Variants in CNTN4 observed in about 807,000 individuals in gnomAD.
CNTN4 encodes contactin-4.
CNTN4 carries 77 observed loss-of-function variants against 122.5 expected under a neutral mutation model. The observed-to-expected ratio is 0.63, with a 90% CI of 0.52 to 0.76. The LOEUF is 0.76. CNTN4 is among the 30% of genes least tolerant of loss of function. CNTN4 has a pLI of 0.00. For missense variants in CNTN4, 1,256 were observed against 1,259.1 expected, an observed-to-expected ratio of 1.00 and a Z score of 0.04; for synonymous variants, 512 against 447.0, an observed-to-expected ratio of 1.15 and a Z score of -1.83.
At chr3:2,655,561 T>G (rs2083550914) in intron 4 of CNTN4, among the ~76,000 whole-genome samples, 1 of 152,220 alleles carries the variant, frequency 6.6e-6, no homozygotes. Flanking sequence ...TATTCTAGCA[T>G]GCAGGGCAGT....
chr3:2,886,769 C>T (rs2093983972), intron 9 of CNTN4, among the ~76,000 whole-genome samples: 1 of 152,088 alleles, frequency 6.6e-6, no homozygotes, highest in South Asian at 2.1e-4. Context: ...CCGCCTCGGC[C>T]TCCCAAAGTG....
intron 2 of CNTN4, among the ~76,000 whole-genome samples, chr3:2,228,196 ATT>A (rs2039357601): frequency 6.6e-6 from 1 of 152,132 alleles, no homozygotes; most frequent in South Asian, 2.1e-4. Flanking sequence ...TAGCCAAGGA[ATT>A]GGCAATCCAT....
At chr3:2,169,676 C>T (rs542951905) in intron 2 of CNTN4, among the ~76,000 whole-genome samples, 25 of 152,106 alleles carry the variant, frequency 1.6e-4, no homozygotes, top group African/African-American at 5.3e-4. Flanking sequence ...GGATTACAGG[C>T]GTGAGCCACC....
At chr3:2,751,584 G>T (rs2090094159) in intron 6 of CNTN4, among the ~76,000 whole-genome samples, 1 of 152,076 alleles carries the variant, frequency 6.6e-6, no homozygotes, top group Non-Finnish European at 1.5e-5. Flanking sequence ...TAAAGAGGAG[G>T]GGATTTCAGT....
intron 2 of CNTN4, among the ~76,000 whole-genome samples, chr3:2,252,424 A>G (rs1195236422): frequency 1.3e-5 from 2 of 152,010 alleles, no homozygotes; most frequent in African/African-American, 4.8e-5. Flanking sequence ...ATCTGAATTT[A>G]CACATTGATA....
At chr3:2,896,126 C>T (rs1366426357) in intron 10 of CNTN4, among the ~76,000 whole-genome samples, 1 of 152,106 alleles carries the variant, frequency 6.6e-6, no homozygotes, top group African/African-American at 2.4e-5. Context: ...AAGGAGAAAA[C>T]AGGCTTCCAA....
intron 3 of CNTN4, among the ~76,000 whole-genome samples, chr3:2,546,804 C>A (rs537536747): frequency 1.3e-5 from 2 of 152,092 alleles, no homozygotes; most frequent in African/African-American, 4.8e-5. Context: ...GCTATCCTGG[C>A]CTTTAAGATA....
At chr3:2,329,796 G>A (rs1253428146) in intron 2 of CNTN4, among the ~76,000 whole-genome samples, 1 of 151,942 alleles carries the variant, frequency 6.6e-6, no homozygotes, top group Non-Finnish European at 1.5e-5. Flanking sequence ...CACTTAATAA[G>A]CATTAATTTA....
chr3:2,626,268 C>T (rs1352724146), intron 4 of CNTN4, among the ~76,000 whole-genome samples: 3 of 151,860 alleles, frequency 2.0e-5, no homozygotes, highest in Admixed American at 6.6e-5. Flanking sequence ...CCGAGGTGGG[C>T]GGATCATGAG....
intron 4 of CNTN4, among the ~76,000 whole-genome samples, chr3:2,584,486 C>G (rs979361185): frequency 5.3e-5 from 8 of 151,884 alleles, no homozygotes; most frequent in African/African-American, 1.5e-4. Context: ...GGCGGATCAC[C>G]TGAGGCCAGG....
chr3:3,000,695 T>C (rs1420498118), intron 14 of CNTN4, among the ~76,000 whole-genome samples: 1 of 152,142 alleles, frequency 6.6e-6, no homozygotes, highest in Non-Finnish European at 1.5e-5. Context: ...GTTCTCAGGG[T>C]CTGCCCTAAG....
intron 2 of CNTN4, among the ~76,000 whole-genome samples, chr3:2,336,389 T>A (rs532805160): frequency 6.6e-6 from 1 of 152,172 alleles, no homozygotes; most frequent in South Asian, 2.1e-4. Context: ...GAACAGTTGA[T>A]TATGATTCAT....
chr3:2,722,267 G>C (rs1296182727), intron 4 of CNTN4, among the ~76,000 whole-genome samples: 3 of 152,166 alleles, frequency 2.0e-5, no homozygotes, highest in Admixed American at 6.5e-5. Flanking sequence ...TAGAATGTGA[G>C]CTCCTTGGAC....
At chr3:2,950,732 A>G (rs944047513) in intron 13 of CNTN4, among the ~76,000 whole-genome samples, 1 of 152,214 alleles carries the variant, frequency 6.6e-6, no homozygotes, top group Non-Finnish European at 1.5e-5. Context: ...GCATTCTTTG[A>G]TGAATTGGTT....
chr3:2,443,849 T>C (rs985165016), intron 3 of CNTN4, among the ~76,000 whole-genome samples: 5 of 152,186 alleles, frequency 3.3e-5, no homozygotes, highest in African/African-American at 1.2e-4. Context: ...GTTTTAACTT[T>C]ACTATCCAGC....
chr3:2,287,386 G>C (rs1486798340), intron 2 of CNTN4, among the ~76,000 whole-genome samples: 1 of 151,942 alleles, frequency 6.6e-6, no homozygotes, highest in East Asian at 1.9e-4. Context: ...CAGAATGCTT[G>C]AGCTCAGAAG....
chr3:2,100,495 C>T (rs1359872053), intron 1 of CNTN4, 63 bp from the exon 2 acceptor site: 1 of 152,170 alleles, frequency 6.6e-6, no homozygotes, highest in African/African-American at 2.4e-5. Flanking sequence ...CAGGTCCATA[C>T]AATAGCGTTC....
chr3:2,357,452 C>A (rs946172877), intron 3 of CNTN4, among the ~76,000 whole-genome samples: 1 of 152,198 alleles, frequency 6.6e-6, no homozygotes, highest in Non-Finnish European at 1.5e-5. Flanking sequence ...CTGAAAATCA[C>A]TGCATACGTA....
intron 4 of CNTN4, among the ~76,000 whole-genome samples, chr3:2,575,876 C>T (rs1277156105): frequency 7.5e-6 from 1 of 133,918 alleles, no homozygotes; most frequent in Non-Finnish European, 1.5e-5. Flanking sequence ...GGCTGGAGTG[C>T]AGGGGTGTGA....
Sources: gnomAD v4.1 joint callset for allele counts (sites outside exome capture counted in the v4.1 genomes callset) on GRCh38, gnomAD v4.1.1 for gene constraint, MANE v1.5 for transcripts, NCBI Gene and HGNC (gene_info 2026-07-23, HGNC 2026-07-21) for gene names.